Variants in LAMA2 observed in about 807,000 individuals in gnomAD.
The protein encoded by LAMA2 is laminin subunit alpha 2.
In LAMA2, 269 loss-of-function variants were observed where a neutral mutation model predicts 364.8. The ratio of observed to expected loss-of-function variants is 0.74; its 90% confidence interval spans 0.67 to 0.82. The LOEUF is 0.82. Among genes scored for constraint, LAMA2 ranks in the 40% least tolerant of loss-of-function variants. The pLI is 0.00. For missense variants in LAMA2, 3,807 were observed against 3,873.2 expected (o/e 0.98, Z 0.45); for synonymous variants, 1,379 against 1,370.6 (o/e 1.01, Z -0.14).
intron 12 of LAMA2, among the ~76,000 whole-genome samples, chr6:129,215,982 A>C (rs1433279232): frequency 6.6e-6 from 1 of 152,182 alleles, no homozygotes; most frequent in African/African-American, 2.4e-5. Context: ...AACTATAAAC[A>C]AATTTCTGTG....
intron 14 of LAMA2, among the ~76,000 whole-genome samples, chr6:129,259,297 A>C (rs1401896332): frequency 1.3e-5 from 2 of 152,090 alleles, no homozygotes; most frequent in Non-Finnish European, 2.9e-5. Flanking sequence ...AATTCCCAGC[A>C]TTGATTCCCA....
intron 7 of LAMA2, among the ~76,000 whole-genome samples, chr6:129,151,900 G>A (rs1778825088): frequency 6.6e-6 from 1 of 152,136 alleles, no homozygotes; most frequent in African/African-American, 2.4e-5. Flanking sequence ...AGGAATTCTT[G>A]TATGTTGCCC....
chr6:129,195,082 A>C (rs955171271), intron 12 of LAMA2, among the ~76,000 whole-genome samples: 1 of 152,202 alleles, frequency 6.6e-6, no homozygotes, highest in Non-Finnish European at 1.5e-5. Context: ...TATGGTACAT[A>C]ATCCTTCCTC....
intron 3 of LAMA2, among the ~76,000 whole-genome samples, chr6:129,083,907 A>G (rs1407849893): frequency 6.6e-6 from 1 of 152,190 alleles, no homozygotes; most frequent in East Asian, 1.9e-4. Flanking sequence ...AACTTTATGA[A>G]GGAAGTATAT....
At chr6:129,168,961 CTGTT>C (rs1350507237) in intron 9 of LAMA2, among the ~76,000 whole-genome samples, 1 of 151,816 alleles carries the variant, frequency 6.6e-6, no homozygotes, top group Non-Finnish European at 1.5e-5. Context: ...ATTTGGCTCT[CTGTT>C]TGTTGTTGTT....
intron 3 of LAMA2, among the ~76,000 whole-genome samples, chr6:129,092,588 G>T (rs1293788663): frequency 1.3e-5 from 2 of 152,204 alleles, no homozygotes; most frequent in Non-Finnish European, 2.9e-5. Context: ...TACTAGAAAA[G>T]TGCAGAACCT....
chr6:129,215,267 T>A (rs1344777349), intron 12 of LAMA2, among the ~76,000 whole-genome samples: 1 of 152,164 alleles, frequency 6.6e-6, no homozygotes. Flanking sequence ...TTGTAATGCT[T>A]ACAGTCTAAA....
At chr6:128,948,089 T>C (rs1040899988) in intron 1 of LAMA2, among the ~76,000 whole-genome samples, 3 of 152,136 alleles carry the variant, frequency 2.0e-5, no homozygotes, top group Non-Finnish European at 4.4e-5. Flanking sequence ...GCCTAAATTC[T>C]TGCTATGAAC....
chr6:129,221,414 A>G (rs1280445108), intron 12 of LAMA2, among the ~76,000 whole-genome samples: 1 of 151,552 alleles, frequency 6.6e-6, no homozygotes, highest in Non-Finnish European at 1.5e-5. Flanking sequence ...AAAAAAAAAA[A>G]ATCAACAATA....
At chr6:128,969,597 A>G (rs1261336794) in intron 1 of LAMA2, among the ~76,000 whole-genome samples, 1 of 152,010 alleles carries the variant, frequency 6.6e-6, no homozygotes, top group Non-Finnish European at 1.5e-5. Context: ...CACCCAGCAA[A>G]CTTTTGTATT....
At chr6:128,903,753 G>C (rs886495910) in intron 1 of LAMA2, among the ~76,000 whole-genome samples, 1 of 152,030 alleles carries the variant, frequency 6.6e-6, no homozygotes, top group Admixed American at 6.5e-5. Context: ...TTAAGATAAA[G>C]AGCTTGGCAA....
intron 4 of LAMA2, among the ~76,000 whole-genome samples, chr6:129,100,515 G>A (rs1165475241): frequency 6.6e-6 from 1 of 152,038 alleles, no homozygotes; most frequent in Non-Finnish European, 1.5e-5. Context: ...TTACTTTTTT[G>A]AATAGACAGG....
At chr6:129,232,303 A>G (rs2115132724) in intron 12 of LAMA2, among the ~76,000 whole-genome samples, 1 of 152,286 alleles carries the variant, frequency 6.6e-6, no homozygotes, top group Admixed American at 6.6e-5. Context: ...AAATGACATT[A>G]CATAGATAGA....
Position 129,455,869 on chromosome 6 carries a change from T to C in LAMA2, c.6708-466T>C, listed in dbSNP as rs116716704. Among the ~76,000 whole-genome samples, 1,115 of 152,290 alleles carry C rather than the reference T, an allele frequency of 7.3e-3. 10 individuals carry two copies. Among genetic ancestry groups the C allele is most frequent in the African/African-American group, 0.025 (1,037 of 41,574 alleles). ...TTATAAAGAATTTTAGGAGAAATCATGCAGCTTATGATATGAAAGGGTGGC... is the reference window on the plus strand; with the variant it reads ...TTATAAAGAATTTTAGGAGAAATCACGCAGCTTATGATATGAAAGGGTGGC... On this transcript the variant is annotated intron_variant, in intron 47 of 64. Transcript: ENST00000421865.
At chr6:129,143,826 T>C in intron 4 of LAMA2, 75 bp from the exon 5 acceptor site, 1 of 1,139,186 alleles carries the variant, frequency 8.8e-7, no homozygotes, top group South Asian at 1.3e-5. Context: ...ACTTTATTTT[T>C]CCAAGAAAAA....
chr6:129,165,789 C>T (rs1779712158), intron 9 of LAMA2, 114 bp downstream of exon 9: 1 of 750,472 alleles, frequency 1.3e-6, no homozygotes, highest in East Asian at 2.7e-5. Flanking sequence ...TAAATTTATT[C>T]TTTAATCTAT....
At chr6:128,993,689 CT>C (rs1209339314) in intron 1 of LAMA2, among the ~76,000 whole-genome samples, 3 of 151,930 alleles carry the variant, frequency 2.0e-5, no homozygotes, top group African/African-American at 7.3e-5. Flanking sequence ...ACAATATATG[CT>C]TGTGTGTGTC....
At chr6:129,230,521 G>C (rs1784615739) in intron 12 of LAMA2, among the ~76,000 whole-genome samples, 1 of 152,056 alleles carries the variant, frequency 6.6e-6, no homozygotes, top group Non-Finnish European at 1.5e-5. Context: ...CTATTGGTCT[G>C]TATATTCTTA....
At chr6:129,343,144 C>T (rs1337300691) in intron 30 of LAMA2, among the ~76,000 whole-genome samples, 1 of 152,114 alleles carries the variant, frequency 6.6e-6, no homozygotes, top group Admixed American at 6.6e-5. Flanking sequence ...TTTTTGCCCA[C>T]ACTACCTGCA....
Sources: gnomAD v4.1 joint callset for allele counts (sites outside exome capture counted in the v4.1 genomes callset) on GRCh38, gnomAD v4.1.1 for gene constraint, MANE v1.5 for transcripts, NCBI Gene and HGNC (gene_info 2026-07-23, HGNC 2026-07-21) for gene names.